The following CD5L variants were observed in gnomAD, a reference collection of about 807,000 sequenced individuals.
CD5L encodes CD5 molecule like.
CD5L carries 39 observed loss-of-function variants against 40.8 expected under a neutral mutation model. That is an observed-to-expected ratio of 0.96 (90% CI 0.74 to 1.25). The LOEUF (loss-of-function observed/expected upper bound fraction) is 1.25, where lower values mean the gene tolerates loss of function less well. CD5L is among the 50% of genes most tolerant of loss of function. The probability of loss-of-function intolerance (pLI) is 0.00; values close to 1 mark genes in which losing one functional copy is unlikely to be tolerated. For synonymous variants in CD5L, 192 were observed against 169.6 expected (o/e 1.13, Z -1.03); for missense variants, 433 against 435.9 (o/e 0.99, Z 0.06).
chr1:157,831,930 G>T lies in CD5L; in HGVS notation c.*34C>A, dbSNP rs1438490012. ...AGGAGAACAAGCAGAGGGCAGGCGG[G>T]GCCAGGGGGGCCAGGTCAAGCAACA... On this transcript the variant is annotated 3_prime_UTR_variant, in exon 6 of 6. Transcript: ENST00000368174. 1.9e-6 allele frequency: 3 copies of T among 1,563,616 alleles called. No homozygotes were observed. The highest frequency in any genetic ancestry group is 1.7e-6 in the Non-Finnish European group (2 of 1,159,372).
At chr1:157,840,056 A>T (rs1026187178) in intron 1 of CD5L, among the ~76,000 whole-genome samples, 1 of 152,114 alleles carries the variant, frequency 6.6e-6, no homozygotes, top group African/African-American at 2.4e-5. Context: ...TGAAATTTAA[A>T]TTTTTTGTCA....
intron 5 of CD5L, among the ~76,000 whole-genome samples, chr1:157,832,958 C>T (rs2777815): frequency 6.6e-6 from 1 of 151,980 alleles, no homozygotes; most frequent in Non-Finnish European, 1.5e-5. Context: ...TATGTTCTCA[C>T]GATCAATACG....
chr1:157,835,671 T>C (rs144161437), intron 3 of CD5L, among the ~76,000 whole-genome samples, 164 bp downstream of exon 3: 9 of 152,278 alleles, frequency 5.9e-5, no homozygotes, highest in African/African-American at 2.2e-4. Context: ...TAGGTGAGGA[T>C]ATTGTTTATC....
At position 157,831,049 on chromosome 1, in the gene CD5L, G is replaced by A; in HGVS notation, c.*915C>T. ...GTCTTGATTCTCTTATTTCTGTCTT[G>A]CCTCAAGCTTACAGGCCCCAAAGTC... On this transcript the variant is annotated 3_prime_UTR_variant, in exon 6 of 6. Coordinates refer to ENST00000368174, the MANE Select transcript of CD5L (RefSeq NM_005894.3). 3.0e-6 allele frequency: 3 copies of A among 985,180 alleles called. No individual in the cohort carries two copies. The highest frequency in any genetic ancestry group is 3.6e-6 in the Non-Finnish European group (3 of 829,826). 61.0% of individuals were successfully genotyped at this position (985,180 alleles called of 1,614,324 possible).
rs1378883924 is a variant in CD5L, at chr1:157,831,313, AT to A, written c.*650del. On this transcript the variant is annotated 3_prime_UTR_variant, in exon 6 of 6. Transcript: ENST00000368174. ...TGGGGCAATCAGAGGATGAAACATC[AT>A]TTTTTACACGTCATGAAAAGGTCTA... is the stretch of plus-strand genomic sequence containing the variant. 3.0e-6 allele frequency: 3 copies of A among 985,224 alleles called. No individual in the cohort carries two copies. The African/African-American group carries it at 5.2e-5, about 17-fold the overall frequency. The allele number at this position is 985,224 out of a possible 1,614,324, so 61.0% of individuals were successfully genotyped here. A position where few individuals can be genotyped will look rare whatever the true frequency, so the allele number is the denominator to read the frequency against.
At position 157,838,926 on chromosome 1, in the gene CD5L, G is replaced by A. The variant is rs966719785; in HGVS notation, c.55+458C>T. On this transcript the variant is annotated intron_variant, in intron 2 of 5. Coordinates refer to ENST00000368174, the MANE Select transcript of CD5L (RefSeq NM_005894.3). ...GCATTACCCAAAGACTCCCCGAGCA[G>A]GAAATCCAGCCTATGCTCTGCTGGT... 5.9e-5 allele frequency among the ~76,000 whole-genome samples: 9 copies of A among 152,318 alleles called. No individual in the cohort carries two copies. In the South Asian group the frequency reaches 6.2e-4, roughly 11 times the overall value.
In CD5L at chr1:157,830,920, CTG is replaced by C; in HGVS notation, c.*1042_*1043del. ...TCACACAGAGAGGCAATTGTTGAGA[CTG>C]TGAAATCTGATTTATTAGATAAGTG... On this transcript the variant is annotated 3_prime_UTR_variant, in exon 6 of 6. Transcript: ENST00000368174. 1 of 983,130 alleles carries C rather than the reference CTG, an allele frequency of 1.0e-6. No homozygotes were observed. Among genetic ancestry groups the C allele is most frequent in the Non-Finnish European group, 1.2e-6 (1 of 827,888 alleles). The allele number at this position is 983,130 out of a possible 1,614,324, so 60.9% of individuals were successfully genotyped here. A position where few individuals can be genotyped will look rare whatever the true frequency, so the allele number is the denominator to read the frequency against.
rs147349977 is a variant in CD5L, at chr1:157,839,546, A to T, written c.29-136T>A. On this transcript the variant is annotated intron_variant, in intron 1 of 5. Transcript: ENST00000368174. ...AGCCTCCAATGTCAGTCCTGTTGGG[A>T]CCTTCTTCTTCTGGGATGACCATCC... 2.9e-4 allele frequency: 239 copies of T among 834,346 alleles called. No individual in the cohort carries two copies. The East Asian group carries it at 5.9e-3, about 21-fold the overall frequency. The allele number at this position is 834,346 out of a possible 1,614,324, so 51.7% of individuals were successfully genotyped here. A position where few individuals can be genotyped will look rare whatever the true frequency, so the allele number is the denominator to read the frequency against.
intron 5 of CD5L, 95 bp downstream of exon 5, chr1:157,833,097 G>A: frequency 2.0e-6 from 2 of 1,019,004 alleles, no homozygotes; most frequent in South Asian, 1.5e-5. Flanking sequence ...TGGCGCTTGT[G>A]AAAATACCCT....
chr1:157,839,181 C>G (rs1010876526), intron 2 of CD5L, among the ~76,000 whole-genome samples: 12 of 152,342 alleles, frequency 7.9e-5, no homozygotes, highest in African/African-American at 2.9e-4. Flanking sequence ...GAGGTACCCC[C>G]TGCCAGGATA....
chr1:157,836,193 G>C, intron 2 of CD5L, 38 bp from the exon 3 acceptor site: 1 of 1,557,012 alleles, frequency 6.4e-7, no homozygotes, highest in Non-Finnish European at 8.7e-7. Flanking sequence ...GGCCTGAGAG[G>C]AGCTCAGAGG....
At chr1:157,828,020 C>T (rs773593485), downstream of CD5L, among the ~76,000 whole-genome samples, 6 of 152,178 alleles carry the variant, frequency 3.9e-5, no homozygotes, top group Non-Finnish European at 7.3e-5. Flanking sequence ...TGGGTTCTGC[C>T]TCAACCATTT....
chr1:157,836,609 G>A (rs866730815), intron 2 of CD5L, among the ~76,000 whole-genome samples: 4 of 152,176 alleles, frequency 2.6e-5, no homozygotes, highest in Admixed American at 2.0e-4. Context: ...CAGAACAGAG[G>A]TGTAAAGAGA....
Position 157,834,576 on chromosome 1 carries a change from C to T in CD5L, c.549G>A (p.Arg183=). 6.2e-7 allele frequency: 1 copy of T among 1,614,170 alleles called. No homozygotes were observed. Among genetic ancestry groups the T allele is most frequent in the Non-Finnish European group, 8.5e-7 (1 of 1,180,028 alleles). Residue 183 remains arginine (R), a synonymous_variant, in exon 4 of 6, where the codon AGG becomes AGA. Transcript: ENST00000368174. The part of the protein sequence containing the change: ...KVVCRQLGCG[R]AVLTQKRCNK... ...TGCAGCGTTTTTGAGTCAGTACAGC[C>T]CTCCCACATCCCAGCTGCCGGCACA...
intron 5 of CD5L, among the ~76,000 whole-genome samples, 164 bp from the exon 6 acceptor site, chr1:157,832,132 T>G (rs892508699): frequency 6.6e-6 from 1 of 152,186 alleles, no homozygotes; most frequent in African/African-American, 2.4e-5. Context: ...CAGAACCTTG[T>G]GCAGTATCCC....
chr1:157,831,671 A>C lies in CD5L; in HGVS notation c.*293T>G. The C allele has an allele frequency of 8.4e-7, 1 of 1,189,208 alleles. No homozygotes were observed. Among genetic ancestry groups the C allele is most frequent in the Non-Finnish European group, 1.0e-6 (1 of 960,908 alleles). 73.7% of individuals were successfully genotyped at this position (1,189,208 alleles called of 1,614,324 possible). A position where few individuals can be genotyped will look rare whatever the true frequency, so the allele number is the denominator to read the frequency against. On this transcript the variant is annotated 3_prime_UTR_variant, in exon 6 of 6. Coordinates refer to ENST00000368174, the MANE Select transcript of CD5L (RefSeq NM_005894.3). Reference sequence around the variant, plus strand: ...AGGTTTGAGGATTCCAGGCAGCTTGAGAAAAGGCAGGAAAGGCCAGAACCA... The same window carrying C: ...AGGTTTGAGGATTCCAGGCAGCTTGCGAAAAGGCAGGAAAGGCCAGAACCA...
rs1656041182 is a variant in CD5L, at chr1:157,831,324, GT to G, written c.*639del. 1.0e-6 allele frequency: 1 copy of G among 985,122 alleles called. No individual in the cohort carries two copies. Among genetic ancestry groups the G allele is most frequent in the Non-Finnish European group, 1.2e-6 (1 of 829,882 alleles). 61.0% of individuals were successfully genotyped at this position (985,122 alleles called of 1,614,324 possible). A position where few individuals can be genotyped will look rare whatever the true frequency, so the allele number is the denominator to read the frequency against. On this transcript the variant is annotated 3_prime_UTR_variant, in exon 6 of 6. Transcript: ENST00000368174. Reference sequence around the variant, plus strand: ...GAGGATGAAACATCATTTTTTACACGTCATGAAAAGGTCTAGGATTATAGGA... The same window carrying G: ...GAGGATGAAACATCATTTTTTACACGCATGAAAAGGTCTAGGATTATAGGA...
intron 2 of CD5L, among the ~76,000 whole-genome samples, chr1:157,837,461 C>T (rs1015324413): frequency 1.3e-5 from 2 of 152,194 alleles, no homozygotes; most frequent in East Asian, 1.9e-4. Context: ...AAGCCTCCTG[C>T]AGCCTCAGAG....
chr1:157,827,249 G>A (rs190948305), downstream of CD5L, among the ~76,000 whole-genome samples: 57 of 149,704 alleles, frequency 3.8e-4, no homozygotes, highest in Admixed American at 3.4e-3. Flanking sequence ...GTTCTTCAGA[G>A]AAACAGGACA....
Sources: gnomAD v4.1 joint callset for allele counts (sites outside exome capture counted in the v4.1 genomes callset) on GRCh38, gnomAD v4.1.1 for gene constraint, MANE v1.5 for transcripts, NCBI Gene and HGNC (gene_info 2026-07-23, HGNC 2026-07-21) for gene names.